CLRN3: variants seen among roughly 807,000 people sequenced by gnomAD.
CLRN3 encodes the protein clarin-3.
Under a neutral mutation model 16.7 loss-of-function variants are expected in CLRN3, and 12 were observed. The observed-to-expected ratio is 0.72, with a 90% CI of 0.46 to 1.16. CLRN3 has a LOEUF of 1.16. Ranked by LOEUF, CLRN3 falls within the 50% of genes most tolerant of loss-of-function variation. The pLI is 0.00. For synonymous variants in CLRN3, 118 were observed against 113.0 expected (o/e 1.04, Z -0.28); for missense variants, 296 against 274.2 (o/e 1.08, Z -0.56).
chr10:127,878,488 A>G (rs1202874202), intron 2 of CLRN3, 68 bp from the exon 3 acceptor site: 1 of 1,583,978 alleles, frequency 6.3e-7, no homozygotes, highest in East Asian at 2.2e-5. Context: ...ATCTTTATGG[A>G]ACACATATAT....
intron 1 of CLRN3, among the ~76,000 whole-genome samples, chr10:127,887,074 A>T (rs1276313602): frequency 6.6e-6 from 1 of 152,144 alleles, no homozygotes; most frequent in Non-Finnish European, 1.5e-5. Context: ...CTCGCTGTGG[A>T]GGTGCAGCCG....
chr10:127,883,951 C>T (rs1651796214), intron 1 of CLRN3, 76 bp from the exon 2 acceptor site: 1 of 1,364,176 alleles, frequency 7.3e-7, no homozygotes, highest in African/African-American at 1.4e-5. Context: ...CCCACCCTAC[C>T]CTCTTAGTGA....
intron 2 of CLRN3, among the ~76,000 whole-genome samples, chr10:127,881,290 A>G (rs1845124889): frequency 6.6e-6 from 1 of 152,188 alleles, no homozygotes; most frequent in African/African-American, 2.4e-5. Context: ...AGGCAGGGCT[A>G]CGGGGAGGCT....
At chr10:127,878,626 T>G (rs1017006883) in intron 2 of CLRN3, among the ~76,000 whole-genome samples, 9 of 152,240 alleles carry the variant, frequency 5.9e-5, no homozygotes, top group Admixed American at 4.6e-4. Flanking sequence ...GGGCTGTGTA[T>G]GACCAATAGT....
chr10:127,885,239 C>G (rs907189072), intron 1 of CLRN3, among the ~76,000 whole-genome samples: 1 of 152,116 alleles, frequency 6.6e-6, no homozygotes, highest in Admixed American at 6.5e-5. Context: ...GCAGGAGACC[C>G]CAGGGTGCTG....
In CLRN3 at chr10:127,877,896, G is replaced by A. The variant is rs1845076932; in HGVS notation, c.*253C>T. The A allele has an allele frequency of 2.1e-6, 1 of 472,134 alleles. No individual in the cohort carries two copies. Among genetic ancestry groups the A allele is most frequent in the Admixed American group, 3.5e-5 (1 of 28,514 alleles). The allele number at this position is 472,134 out of a possible 1,614,324, so 29.2% of individuals were successfully genotyped here. ...TTCAGATCGTGAGACCAGGTCAGAA[G>A]GGTCGTTACGCTCATCATGATACTA... On this transcript the variant is annotated 3_prime_UTR_variant, in exon 3 of 3. Transcript: ENST00000368671.
Position 127,878,225 on chromosome 10 carries a change from T to C in CLRN3, c.605A>G (p.Gln202Arg), listed in dbSNP as rs1239481795. ...CTGCTTCCGCTGGTATCTGGCCTTCTGGTAGAAAATGATGATGGTTACAGT... is the reference window on the plus strand; with the variant it reads ...CTGCTTCCGCTGGTATCTGGCCTTCCGGTAGAAAATGATGATGGTTACAGT... ...IVTVTIIIFY[Q>R]KARYQRKQEQ... Residue 202 changes from glutamine (Q) to arginine (R), a missense_variant, in exon 3 of 3, where the codon CAG (glutamine) becomes CGG (arginine). Physicochemically the swap from Gln to Arg is conservative, Grantham distance 43. Coordinates refer to ENST00000368671, the MANE Select transcript of CLRN3 (RefSeq NM_152311.5). 1 of 1,614,204 alleles carries C rather than the reference T, an allele frequency of 6.2e-7. No individual in the cohort carries two copies. Among genetic ancestry groups the C allele is most frequent in the East Asian group, 2.2e-5 (1 of 44,886 alleles).
Position 127,892,573 on chromosome 10 carries a change from G to T in CLRN3, c.212C>A (p.Pro71Gln), listed in dbSNP as rs35890579. Residue 71 changes from proline to glutamine, a missense_variant, in exon 1 of 3, where the codon CCA becomes CAA. By Grantham distance (76) the Pro-to-Gln change is moderately conservative (BLOSUM62 -1). Coordinates refer to ENST00000368671, the MANE Select transcript of CLRN3 (RefSeq NM_152311.5). ...TCATTTACCTGCAAACTTTTTCTTT[G>T]GTTCTGCAAGTCCGTGACTCAATTC... Reference protein sequence around the residue: ...SEELSHGLAEPKKKFAVLEIL... With the variant: ...SEELSHGLAEQKKKFAVLEIL... The T allele has an allele frequency of 0.043, 68,237 of 1,588,216 alleles. 1,760 individuals carry two copies. Among genetic ancestry groups the T allele is most frequent in the Non-Finnish European group, 0.052 (59,902 of 1,156,382 alleles).
At position 127,891,293 on chromosome 10, in the gene CLRN3, T is replaced by G. The variant is rs896735318; in HGVS notation, c.229+1263A>C. Among the ~76,000 whole-genome samples, 4 of 152,220 alleles carry G rather than the reference T, an allele frequency of 2.6e-5. No individual in the cohort carries two copies. The South Asian group carries it at 6.2e-4, about 24-fold the overall frequency. The stretch of plus-strand genomic sequence containing the variant: ...TTTCTTTGAAGCCATTTATCTCAAA[T>G]TGGAAATCAACTGGTTCCAAACAGA... On this transcript the variant is annotated intron_variant, in intron 1 of 2. Coordinates refer to ENST00000368671, the MANE Select transcript of CLRN3 (RefSeq NM_152311.5).
chr10:127,878,496 T>TG, intron 2 of CLRN3, 76 bp from the exon 3 acceptor site: 1 of 1,563,360 alleles, frequency 6.4e-7, no homozygotes, highest in Non-Finnish European at 8.7e-7. Flanking sequence ...GGAACACATA[T>TG]ATATGGGAAT....
At chr10:127,888,318 G>T (rs1845221010) in intron 1 of CLRN3, among the ~76,000 whole-genome samples, 1 of 152,164 alleles carries the variant, frequency 6.6e-6, no homozygotes, top group South Asian at 2.1e-4. Context: ...GTTCCTTAGG[G>T]AGAAGTGGCC....
At chr10:127,884,785 G>A (rs1386137539) in intron 1 of CLRN3, among the ~76,000 whole-genome samples, 1 of 152,206 alleles carries the variant, frequency 6.6e-6, no homozygotes. Flanking sequence ...AGGATGCAAT[G>A]CCCAGGCACC....
At chr10:127,881,422 G>A (rs924714653) in intron 2 of CLRN3, among the ~76,000 whole-genome samples, 8 of 152,248 alleles carry the variant, frequency 5.3e-5, no homozygotes, top group Non-Finnish European at 7.3e-5. Context: ...TAGTGGCAAA[G>A]GCAGTGGACT....
At chr10:127,886,191 C>T (rs1463015478) in intron 1 of CLRN3, among the ~76,000 whole-genome samples, 1 of 152,366 alleles carries the variant, frequency 6.6e-6, no homozygotes, top group Non-Finnish European at 1.5e-5. Flanking sequence ...GCCAGATAGA[C>T]GTGGGGCTCC....
rs1438698895 is a variant in CLRN3, at chr10:127,892,563, C to T, written c.222G>A (p.Lys74=). The change falls in exon 1 of 3, where the codon AAG becomes AAA. Residue 74 remains lysine, a synonymous_variant. Coordinates refer to ENST00000368671, the MANE Select transcript of CLRN3 (RefSeq NM_152311.5). ...LSHGLAEPKK[K]FAVLEILNNS... ...AATTAGTTTATCATTTACCTGCAAACTTTTTCTTTGGTTCTGCAAGTCCGT... is the reference window on the plus strand; with the variant it reads ...AATTAGTTTATCATTTACCTGCAAATTTTTTCTTTGGTTCTGCAAGTCCGT... 6.4e-7 allele frequency: 1 copy of T among 1,564,538 alleles called. No individual in the cohort carries two copies. Among genetic ancestry groups the T allele is most frequent in the East Asian group, 2.2e-5 (1 of 44,686 alleles).
At chr10:127,891,305 T>G (rs1241230534) in intron 1 of CLRN3, among the ~76,000 whole-genome samples, 8 of 152,228 alleles carry the variant, frequency 5.3e-5, no homozygotes, top group Admixed American at 5.2e-4. Context: ...GGAAATCAAC[T>G]GGTTCCAAAC....
chr10:127,883,685 G>T lies in CLRN3; in HGVS notation c.409+11C>A. 1 of 1,598,908 alleles carries T rather than the reference G, an allele frequency of 6.3e-7. No homozygotes were observed. The highest frequency in any genetic ancestry group is 8.6e-7 in the Non-Finnish European group (1 of 1,166,294). On this transcript the variant is annotated intron_variant, in intron 2 of 2. Coordinates refer to ENST00000368671, the MANE Select transcript of CLRN3 (RefSeq NM_152311.5). ...TTTCTGCAGAGCACCGAGTCTCACA[G>T]GGCCACTCACCACCGAGCCCGTTCC...
intron 1 of CLRN3, among the ~76,000 whole-genome samples, chr10:127,885,103 G>A (rs1224054574): frequency 1.3e-5 from 2 of 152,204 alleles, no homozygotes; most frequent in African/African-American, 2.4e-5. Context: ...AACAGAAAGC[G>A]AAAAGGCCAG....
At chr10:127,890,243 C>T (rs1845243815) in intron 1 of CLRN3, among the ~76,000 whole-genome samples, 1 of 152,204 alleles carries the variant, frequency 6.6e-6, no homozygotes, top group African/African-American at 2.4e-5. Flanking sequence ...AACCTGCTCA[C>T]AGATGGACAT....
Sources: gnomAD v4.1 joint callset for allele counts (sites outside exome capture counted in the v4.1 genomes callset) on GRCh38, gnomAD v4.1.1 for gene constraint, MANE v1.5 for transcripts, NCBI Gene and HGNC (gene_info 2026-07-23, HGNC 2026-07-21) for gene names.